The following ZDHHC21 variants were observed in gnomAD, a reference collection of about 807,000 sequenced individuals.
The protein encoded by ZDHHC21 is zDHHC palmitoyltransferase 21, also known as palmitoyltransferase ZDHHC21.
Under a neutral mutation model 34.6 loss-of-function variants are expected in ZDHHC21, and 15 were observed. The observed-to-expected ratio is 0.43, with a 90% CI of 0.29 to 0.67. ZDHHC21 has a LOEUF of 0.67. Ranked by LOEUF, ZDHHC21 falls within the 30% of genes least tolerant of loss-of-function variation. ZDHHC21 has a pLI of 0.14. For synonymous variants in ZDHHC21, 142 were observed against 101.8 expected, an observed-to-expected ratio of 1.40 and a Z score of -2.38; for missense variants, 344 against 327.7, an observed-to-expected ratio of 1.05 and a Z score of -0.38.
At chr9:14,692,068 T>C (rs1312673833) in intron 1 of ZDHHC21, among the ~76,000 whole-genome samples, 1 of 152,342 alleles carries the variant, frequency 6.6e-6, no homozygotes, top group East Asian at 1.9e-4. Context: ...TTTGGCTCTT[T>C]CTTTCCAGTG....
chr9:14,675,915 C>T (rs1203606577), intron 3 of ZDHHC21, among the ~76,000 whole-genome samples: 2 of 151,708 alleles, frequency 1.3e-5, no homozygotes, highest in African/African-American at 4.8e-5. Context: ...ATAGGAGGAG[C>T]AAGAGTAGAA....
At chr9:14,599,676 CAGA>C in the ZDHHC21 span, among the ~76,000 whole-genome samples, 1 of 152,044 alleles carries the variant, frequency 6.6e-6, no homozygotes, top group African/African-American at 2.4e-5. Context: ...CACACCCCCA[CAGA>C]GCCCAGCAAG....
chr9:14,596,983 T>G, the ZDHHC21 span, among the ~76,000 whole-genome samples: 1 of 152,046 alleles, frequency 6.6e-6, no homozygotes, highest in African/African-American at 2.4e-5. Context: ...AACTTTCCAG[T>G]GCCGGGAAAA....
At chr9:14,688,895 C>A (rs970593313) in intron 2 of ZDHHC21, among the ~76,000 whole-genome samples, 1 of 151,546 alleles carries the variant, frequency 6.6e-6, no homozygotes, top group African/African-American at 2.4e-5. Flanking sequence ...AAACAGAAAA[C>A]CAGCCGGGTG....
At chr9:14,690,406 C>G (rs769287599) in intron 1 of ZDHHC21, 21 bp from the exon 2 acceptor site, 9 of 452,346 alleles carry the variant, frequency 2.0e-5, no homozygotes, top group South Asian at 1.4e-4. Context: ...AGATAAAAAG[C>G]TTAAAATCAG....
intron 2 of ZDHHC21, among the ~76,000 whole-genome samples, chr9:14,681,573 T>C (rs996763260): frequency 1.3e-5 from 2 of 152,074 alleles, no homozygotes; most frequent in Admixed American, 6.6e-5. Flanking sequence ...ATTTGCATTT[T>C]AGGAGGAAAA....
intron 8 of ZDHHC21, among the ~76,000 whole-genome samples, chr9:14,623,867 A>T (rs1242126513): frequency 6.6e-6 from 1 of 152,116 alleles, no homozygotes; most frequent in African/African-American, 2.4e-5. Flanking sequence ...GATGTGGAGA[A>T]AAGGGAACCC....
chr9:14,647,192 T>C (rs752295764), intron 7 of ZDHHC21, among the ~76,000 whole-genome samples: 4 of 152,082 alleles, frequency 2.6e-5, no homozygotes, highest in Non-Finnish European at 5.9e-5. Context: ...ATATTAATAA[T>C]ATTCCTATAC....
At chr9:14,664,127 A>T (rs1833922259) in intron 5 of ZDHHC21, among the ~76,000 whole-genome samples, 1 of 152,140 alleles carries the variant, frequency 6.6e-6, no homozygotes, top group Non-Finnish European at 1.5e-5. Flanking sequence ...AGTGCCAGAC[A>T]GTGGGCGCAG....
intron 8 of ZDHHC21, among the ~76,000 whole-genome samples, chr9:14,624,952 T>G (rs1468620240): frequency 6.6e-6 from 1 of 152,022 alleles, no homozygotes; most frequent in East Asian, 1.9e-4. Flanking sequence ...AATTTAAAAA[T>G]TAAAAACACT....
the ZDHHC21 span, chr9:14,589,398 C>T: frequency 6.6e-6 from 1 of 152,008 alleles, no homozygotes; most frequent in Non-Finnish European, 1.5e-5. Context: ...CCTGAAATTC[C>T]CTTAGATTTC....
At position 14,693,315 on chromosome 9, in the gene ZDHHC21, C is replaced by T. The variant is rs1418709869; in HGVS notation, c.-311G>A. On this transcript the variant is annotated 5_prime_UTR_variant, in exon 1 of 10. Transcript: ENST00000380916. ...TCCTCCTGCCGCGCCACCTCCGCCT[C>T]CTCCGGCGCCGCCGCCCAGGCCGGG... 4 of 417,462 alleles carry T rather than the reference C, an allele frequency of 9.6e-6. No individual in the cohort carries two copies. Among genetic ancestry groups the T allele is most frequent in the Non-Finnish European group, 1.9e-5 (4 of 211,738 alleles). The allele number at this position is 417,462 out of a possible 1,614,324, so 25.9% of individuals were successfully genotyped here. A position where few individuals can be genotyped will look rare whatever the true frequency, so the allele number is the denominator to read the frequency against.
At chr9:14,685,074 A>G (rs1192564913) in intron 2 of ZDHHC21, among the ~76,000 whole-genome samples, 1 of 152,324 alleles carries the variant, frequency 6.6e-6, no homozygotes, top group Middle Eastern at 3.4e-3. Flanking sequence ...AAAGACTTAC[A>G]TGTTAGACCT....
At chr9:14,640,823 G>C (rs1404643675) in intron 7 of ZDHHC21, among the ~76,000 whole-genome samples, 1 of 152,096 alleles carries the variant, frequency 6.6e-6, no homozygotes, top group Non-Finnish European at 1.5e-5. Flanking sequence ...CTCAGAGATT[G>C]AAAATGAGGG....
intron 5 of ZDHHC21, among the ~76,000 whole-genome samples, chr9:14,671,771 T>C (rs1198014573): frequency 1.3e-5 from 2 of 152,122 alleles, no homozygotes; most frequent in Non-Finnish European, 2.9e-5. Flanking sequence ...ACCCATAGAA[T>C]TGTACACTCT....
rs1823890300 is a variant in ZDHHC21, at chr9:14,614,759, T to C, written c.*4207A>G. Reference sequence around the variant, plus strand: ...AATGTACATGGCTTATTTGCTACACTTACCAATACTTATATTTTTAAAGCA... The same window carrying C: ...AATGTACATGGCTTATTTGCTACACCTACCAATACTTATATTTTTAAAGCA... On this transcript the variant is annotated 3_prime_UTR_variant, in exon 10 of 10. Coordinates refer to ENST00000380916, the MANE Select transcript of ZDHHC21 (RefSeq NM_178566.6). 1 of 151,756 alleles carries C rather than the reference T, an allele frequency of 6.6e-6. No individual in the cohort carries two copies. Among genetic ancestry groups the C allele is most frequent in the Non-Finnish European group, 1.5e-5 (1 of 67,722 alleles). 9.4% of individuals were successfully genotyped at this position (151,756 alleles called of 1,614,324 possible).
At chr9:14,681,392 C>G (rs921416056) in intron 2 of ZDHHC21, among the ~76,000 whole-genome samples, 3 of 152,036 alleles carry the variant, frequency 2.0e-5, no homozygotes, top group Admixed American at 2.0e-4. Flanking sequence ...ATTTATTTTA[C>G]TTTAATAAAA....
At chr9:14,590,303 A>G in the ZDHHC21 span, among the ~76,000 whole-genome samples, 1 of 152,172 alleles carries the variant, frequency 6.6e-6, no homozygotes, top group Non-Finnish European at 1.5e-5. Flanking sequence ...AAGCTAGGTG[A>G]CAATACTAAG....
At chr9:14,686,373 T>C (rs1838324517) in intron 2 of ZDHHC21, among the ~76,000 whole-genome samples, 1 of 152,178 alleles carries the variant, frequency 6.6e-6, no homozygotes, top group South Asian at 2.1e-4. Flanking sequence ...AGGTGAAGGG[T>C]GGAACCATTC....
Sources: gnomAD v4.1 joint callset for allele counts (sites outside exome capture counted in the v4.1 genomes callset) on GRCh38, gnomAD v4.1.1 for gene constraint, MANE v1.5 for transcripts, NCBI Gene and HGNC (gene_info 2026-07-23, HGNC 2026-07-21) for gene names.